Variants in C9orf78 observed in about 807,000 individuals in gnomAD.
The protein encoded by C9orf78 is splicing factor C9orf78.
A neutral mutation model predicts 37.4 loss-of-function variants in C9orf78; 19 were observed. The observed-to-expected ratio is 0.51, with a 90% CI of 0.35 to 0.74. The LOEUF is 0.74. Among genes scored for constraint, C9orf78 ranks in the 30% least tolerant of loss-of-function variants. The probability of loss-of-function intolerance (pLI) is 0.01; values close to 1 mark genes in which losing one functional copy is unlikely to be tolerated. For synonymous variants in C9orf78, 130 were observed against 128.0 expected (o/e 1.02, Z -0.10); for missense variants, 291 against 370.8 (o/e 0.78, Z 1.77).
rs924400142 is a variant in C9orf78, at chr9:129,829,638, A to G, written c.543-97T>C. 3 of 1,055,360 alleles carry G rather than the reference A, an allele frequency of 2.8e-6. No individual in the cohort carries two copies. The East Asian group carries it at 7.2e-5, about 25-fold the overall frequency. The allele number at this position is 1,055,360 out of a possible 1,614,324, so 65.4% of individuals were successfully genotyped here. ...TGGCAGCCCAGCAGTACATAAGAAA[A>G]TCATGTGTCCTGGGGCACAGCTCTC... On this transcript the variant is annotated intron_variant, in intron 6 of 8. Coordinates refer to ENST00000372447, the MANE Select transcript of C9orf78 (RefSeq NM_016520.3).
chr9:129,831,262 TA>T (rs1327503919), intron 5 of C9orf78, 194 bp from the exon 6 acceptor site: 1 of 595,162 alleles, frequency 1.7e-6, no homozygotes, highest in African/African-American at 1.9e-5. Flanking sequence ...TATGTCCCAC[TA>T]ATCTATTGGT....
In C9orf78 at chr9:129,833,494, T is replaced by A; in HGVS notation, c.219A>T (p.Thr73=). Residue 73 remains threonine, a synonymous_variant, in exon 4 of 9, where the codon ACA becomes ACT. Transcript: ENST00000372447. ...GTTTCTTCATATCCACCATACCACCTGTCTTCATCTGAAAGGGATCATCCT... is the reference window on the plus strand; with the variant it reads ...GTTTCTTCATATCCACCATACCACCAGTCTTCATCTGAAAGGGATCATCCT... ...TLVDDPFQMK[T]GGMVDMKKLK... 2 of 1,604,532 alleles carry A rather than the reference T, an allele frequency of 1.2e-6. No individual in the cohort carries two copies. The highest frequency in any genetic ancestry group is 1.7e-6 in the Non-Finnish European group (2 of 1,171,234).
At position 129,835,242 on chromosome 9, in the gene C9orf78, A is replaced by G; in HGVS notation, c.-21T>C. ...GGCATGGTGACAACGGCCGAGTTGT[A>G]CAGCCGCCGCGCCTCTGCGCAGCGG... On this transcript the variant is annotated 5_prime_UTR_variant, in exon 1 of 9. Coordinates refer to ENST00000372447, the MANE Select transcript of C9orf78 (RefSeq NM_016520.3). 6.3e-7 allele frequency: 1 copy of G among 1,581,194 alleles called. No individual in the cohort carries two copies. The highest frequency in any genetic ancestry group is 2.3e-5 in the East Asian group (1 of 43,872).
In C9orf78 at chr9:129,827,911, C is replaced by T; in HGVS notation, c.*250G>A. 1 of 263,108 alleles carries T rather than the reference C, an allele frequency of 3.8e-6. No homozygotes were observed. The highest frequency in any genetic ancestry group is 3.8e-5 in the South Asian group (1 of 26,210). 16.3% of individuals were successfully genotyped at this position (263,108 alleles called of 1,614,324 possible). The stretch of plus-strand genomic sequence containing the variant: ...GTTCAAGCAATTCTCCTGCCTCAGC[C>T]TCCTGAGCAGCTGGGATTACAGGCA... On this transcript the variant is annotated 3_prime_UTR_variant, in exon 9 of 9. Transcript: ENST00000372447.
chr9:129,835,139 C>A lies in C9orf78; in HGVS notation c.83G>T (p.Arg28Leu). The A allele has an allele frequency of 6.2e-7, 1 of 1,610,030 alleles. No homozygotes were observed. Among genetic ancestry groups the A allele is most frequent in the South Asian group, 1.1e-5 (1 of 90,946 alleles). ...EEDEQDSEEV[R>L]LKLEETREVQ... ...TATGGGAGCCCCGCCCCAAACGCAC[C>A]GAACCTCCTCTGAGTCCTGCTCATC... Residue 28 changes from arginine (R) to leucine (L), a missense_variant and splice_region_variant, in exon 1 of 9, where the codon CGA becomes CTA. Around this residue, in one of 3 missense-constraint regions of C9orf78, gnomAD observed 158 missense variants for 174.8 expected, o/e 0.90. Transcript: ENST00000372447.
At chr9:129,831,096 G>C (rs2031483894) in intron 5 of C9orf78, 28 bp from the exon 6 acceptor site, 2 of 1,476,440 alleles carry the variant, frequency 1.4e-6, no homozygotes, top group Non-Finnish European at 1.9e-6. Context: ...GAGGCCTCAG[G>C]GAGGGGTGGG....
chr9:129,828,061 G>A lies in C9orf78; in HGVS notation c.*100C>T. 1 of 663,294 alleles carries A rather than the reference G, an allele frequency of 1.5e-6. No homozygotes were observed. The highest frequency in any genetic ancestry group is 2.8e-6 in the Non-Finnish European group (1 of 354,258). The allele number at this position is 663,294 out of a possible 1,614,324, so 41.1% of individuals were successfully genotyped here. ...GCCCACCTCGGCCTCCCAAAGTGCTGGGATTACAGGCAGGAGCCACCACGC... is the reference window on the plus strand; with the variant it reads ...GCCCACCTCGGCCTCCCAAAGTGCTAGGATTACAGGCAGGAGCCACCACGC... On this transcript the variant is annotated 3_prime_UTR_variant, in exon 9 of 9. Coordinates refer to ENST00000372447, the MANE Select transcript of C9orf78 (RefSeq NM_016520.3).
At chr9:129,831,367 C>T (rs1231111584) in intron 5 of C9orf78, 1 of 422,386 alleles carries the variant, frequency 2.4e-6, no homozygotes, top group East Asian at 4.3e-5. Context: ...CATGTTTTAT[C>T]CCTGCAATGT....
chr9:129,835,217 G>T lies in C9orf78; in HGVS notation c.5C>A (p.Pro2Gln). ...GCGACGGAAAATCTTCCGGACGACC[G>T]GCATGGTGACAACGGCCGAGTTGTA... Reference protein sequence around the residue: MPVVRKIFRRRR... With the variant: MQVVRKIFRRRR... The change falls in exon 1 of 9, where the codon CCG (proline) becomes CAG (glutamine). Residue 2 changes from proline to glutamine, a missense_variant. Coordinates refer to ENST00000372447, the MANE Select transcript of C9orf78 (RefSeq NM_016520.3). The T allele has an allele frequency of 6.2e-6, 10 of 1,608,456 alleles. No homozygotes were observed. Among genetic ancestry groups the T allele is most frequent in the Non-Finnish European group, 8.5e-6 (10 of 1,178,284 alleles).
chr9:129,833,579 T>C (rs2031572808), intron 3 of C9orf78, 62 bp from the exon 4 acceptor site: 1 of 1,487,526 alleles, frequency 6.7e-7, no homozygotes, highest in Non-Finnish European at 9.4e-7. Context: ...AATTTTTTTT[T>C]TTGTGAAGCA....
intron 2 of C9orf78, 45 bp downstream of exon 2, chr9:129,834,662 T>C: frequency 1.3e-5 from 18 of 1,406,258 alleles, no homozygotes; most frequent in Non-Finnish European, 1.8e-5. Context: ...CGCGGATGTG[T>C]CTGTCGTCCC....
intron 6 of C9orf78, chr9:129,830,512 AT>A (rs934414187): frequency 1.7e-4 from 44 of 260,712 alleles, no homozygotes; most frequent in Non-Finnish European, 2.9e-4. Context: ...TCCCCCATAA[AT>A]TTTTTTTTCC....
intron 4 of C9orf78, 143 bp downstream of exon 4, chr9:129,833,303 TA>T: frequency 1.6e-6 from 1 of 631,628 alleles, no homozygotes. Context: ...TCTTTGTTTT[TA>T]AATAACACAC....
At chr9:129,833,582 G>A (rs1160640190) in intron 3 of C9orf78, 65 bp from the exon 4 acceptor site, 2 of 1,387,250 alleles carry the variant, frequency 1.4e-6, no homozygotes, top group South Asian at 1.2e-5. Context: ...TTTTTTTTTT[G>A]TGAAGCACGC....
intron 3 of C9orf78, 22 bp from the exon 4 acceptor site, chr9:129,833,539 A>C (rs758790538): frequency 6.4e-7 from 1 of 1,561,886 alleles, no homozygotes; most frequent in South Asian, 1.1e-5. Flanking sequence ...AAACACAGTT[A>C]AGAGGAAGCA....
intron 8 of C9orf78, chr9:129,828,458 C>T: frequency 1.2e-5 from 5 of 405,102 alleles, no homozygotes; most frequent in South Asian, 8.8e-5. Flanking sequence ...GAGTCTCACC[C>T]TGTTGCCCAG....
At chr9:129,831,778 A>G in intron 5 of C9orf78, 118 bp downstream of exon 5, 1 of 731,530 alleles carries the variant, frequency 1.4e-6, no homozygotes, top group South Asian at 1.5e-5. Context: ...GTAGAAAGAG[A>G]GGGGCCAACT....
intron 4 of C9orf78, among the ~76,000 whole-genome samples, 188 bp from the exon 5 acceptor site, chr9:129,832,161 C>T (rs2031516255): frequency 6.6e-6 from 1 of 151,848 alleles, no homozygotes; most frequent in South Asian, 2.1e-4. Context: ...AAACTGTTGG[C>T]TGCTAGTGAT....
intron 4 of C9orf78, among the ~76,000 whole-genome samples, chr9:129,832,214 TG>T (rs1335002170): frequency 6.6e-6 from 1 of 152,240 alleles, no homozygotes; most frequent in East Asian, 1.9e-4. Context: ...TAGGTATCCA[TG>T]GGGGATTGGT....
Sources: gnomAD v4.1 joint callset for allele counts (sites outside exome capture counted in the v4.1 genomes callset) on GRCh38, gnomAD v4.1.1 for gene constraint, gnomAD v4.1.1 regional missense constraint, MANE v1.5 for transcripts, NCBI Gene and HGNC (gene_info 2026-07-23, HGNC 2026-07-21) for gene names.